The following BICRAL variants were observed in gnomAD, a reference collection of about 807,000 sequenced individuals.
BICRAL encodes BRD4-interacting chromatin-remodeling complex-associated protein-like.
A neutral mutation model predicts 91.8 loss-of-function variants in BICRAL; 8 were observed. That is an observed-to-expected ratio of 0.09 (90% CI 0.05 to 0.16). The LOEUF (loss-of-function observed/expected upper bound fraction) is 0.16. BICRAL is among the 10% of genes least tolerant of loss of function. BICRAL has a pLI of 1.00. For missense variants in BICRAL, 1,038 were observed against 1,310.9 expected (o/e 0.79, Z 3.21); for synonymous variants, 445 against 491.1 (o/e 0.91, Z 1.24).
chr6:42,854,706 A>G (rs1273508771), intron 8 of BICRAL, among the ~76,000 whole-genome samples: 2 of 151,576 alleles, frequency 1.3e-5, no homozygotes, highest in African/African-American at 4.9e-5. Context: ...TTTTTTTAAG[A>G]GAAAACGTTT....
At chr6:42,764,835 A>G (rs1762608684) in intron 1 of BICRAL, among the ~76,000 whole-genome samples, 1 of 151,846 alleles carries the variant, frequency 6.6e-6, no homozygotes, top group Non-Finnish European at 1.5e-5. Flanking sequence ...AAGTTTTTGT[A>G]TTTTTAGTAG....
intron 1 of BICRAL, among the ~76,000 whole-genome samples, chr6:42,802,818 C>G (rs943281389): frequency 2.0e-5 from 3 of 151,992 alleles, no homozygotes; most frequent in Non-Finnish European, 4.4e-5. Context: ...TGCACATAAA[C>G]AGTCCTCCGT....
chr6:42,837,030 C>T (rs560168127), intron 6 of BICRAL, among the ~76,000 whole-genome samples: 5 of 152,020 alleles, frequency 3.3e-5, no homozygotes, highest in East Asian at 1.9e-4. Flanking sequence ...CTGCAAGCTC[C>T]GCCTCCCAGG....
chr6:42,816,721 A>G (rs1764003891), intron 2 of BICRAL, among the ~76,000 whole-genome samples: 1 of 152,202 alleles, frequency 6.6e-6, no homozygotes, highest in Non-Finnish European at 1.5e-5. Context: ...GGACATATAA[A>G]TAAAGAGTAT....
chr6:42,857,600 TAAA>T (rs748078737), intron 10 of BICRAL, among the ~76,000 whole-genome samples: 1 of 101,332 alleles, frequency 9.9e-6, no homozygotes, highest in African/African-American at 5.0e-5. Context: ...CACTGTCTCT[TAAA>T]AAAAAAAAAA....
At chr6:42,862,703 G>T in intron 12 of BICRAL, 91 bp downstream of exon 12, 2 of 797,850 alleles carry the variant, frequency 2.5e-6, no homozygotes, top group East Asian at 5.1e-5. Context: ...CTTTGGGTAA[G>T]AAACTTGAAG....
At position 42,855,858 on chromosome 6, in the gene BICRAL, G is replaced by A. The variant is rs768958674; in HGVS notation, c.2049G>A (p.Val683=). 3.2e-5 allele frequency: 52 copies of A among 1,612,088 alleles called. No homozygotes were observed. Among genetic ancestry groups the A allele is most frequent in the Non-Finnish European group, 4.4e-5 (52 of 1,178,384 alleles). The change falls in exon 9 of 13, where the codon GTG becomes GTA. Residue 683 remains valine, a splice_region_variant and synonymous_variant. Coordinates refer to ENST00000314073, the MANE Select transcript of BICRAL (RefSeq NM_001393499.1). ...TAAGAGGTTTGTTTTGTCTTTAGGT[G>A]GAGAGTCATTCGGGAGGACAAAAAA... is the stretch of plus-strand genomic sequence containing the variant. The part of the protein sequence containing the change: ...GSSPGHPAVQ[V]ESHSGGQKRP...
intron 1 of BICRAL, among the ~76,000 whole-genome samples, chr6:42,792,605 G>A (rs1390238818): frequency 6.6e-6 from 1 of 151,856 alleles, no homozygotes; most frequent in Non-Finnish European, 1.5e-5. Flanking sequence ...CTTTTTAGAA[G>A]TGCAAATAAG....
Position 42,866,026 on chromosome 6 carries a change from G to A in BICRAL, c.*580G>A, listed in dbSNP as rs1765701989. The stretch of plus-strand genomic sequence containing the variant: ...ATCTTTGAGCAGTAAATTGCTGGCT[G>A]TGCTGCCAGGGACCCGCAGCCCTGG... On this transcript the variant is annotated 3_prime_UTR_variant, in exon 13 of 13. Coordinates refer to ENST00000314073, the MANE Select transcript of BICRAL (RefSeq NM_001393499.1). 1 of 152,384 alleles carries A rather than the reference G, an allele frequency of 6.6e-6. No homozygotes were observed. The highest frequency in any genetic ancestry group is 1.5e-5 in the Non-Finnish European group (1 of 68,280). 9.4% of individuals were successfully genotyped at this position (152,384 alleles called of 1,614,324 possible). A position where few individuals can be genotyped will look rare whatever the true frequency, so the allele number is the denominator to read the frequency against.
At chr6:42,818,773 C>T (rs2113933777) in intron 2 of BICRAL, among the ~76,000 whole-genome samples, 1 of 152,236 alleles carries the variant, frequency 6.6e-6, no homozygotes, top group African/African-American at 2.4e-5. Flanking sequence ...TGTGAATCTA[C>T]CTTATTTTCC....
intron 7 of BICRAL, 43 bp downstream of exon 7, chr6:42,852,240 G>A (rs778406768): frequency 6.2e-6 from 7 of 1,120,708 alleles, no homozygotes; most frequent in South Asian, 4.9e-5. Flanking sequence ...CCAACACCAC[G>A]GGATGCTCTT....
At chr6:42,814,437 ATGTATG>A (rs1396972937) in intron 2 of BICRAL, among the ~76,000 whole-genome samples, 1 of 142,194 alleles carries the variant, frequency 7.0e-6, no homozygotes, top group Non-Finnish European at 1.5e-5. Context: ...ATACACATAC[ATGTATG>A]TATATGTATA....
chr6:42,781,253 G>C (rs928757447), upstream of BICRAL, among the ~76,000 whole-genome samples: 3 of 152,140 alleles, frequency 2.0e-5, no homozygotes, highest in African/African-American at 4.8e-5. Flanking sequence ...AGTAGAAAAT[G>C]AATGTTTTGA....
At chr6:42,795,620 G>A (rs985098945) in intron 1 of BICRAL, among the ~76,000 whole-genome samples, 2 of 152,144 alleles carry the variant, frequency 1.3e-5, no homozygotes, top group East Asian at 1.9e-4. Context: ...TAGGACATAA[G>A]AGGCTGTGAA....
chr6:42,855,747 A>G, intron 8 of BICRAL, 109 bp from the exon 9 acceptor site: 1 of 836,996 alleles, frequency 1.2e-6, no homozygotes, highest in Non-Finnish European at 2.0e-6. Context: ...TAGTCTTAGA[A>G]TATGTTCTTG....
intron 1 of BICRAL, among the ~76,000 whole-genome samples, chr6:42,787,181 C>T (rs1763125649): frequency 6.6e-6 from 1 of 152,120 alleles, no homozygotes; most frequent in Non-Finnish European, 1.5e-5. Context: ...AATGGGTTGG[C>T]TGTGGAGGGA....
At chr6:42,789,494 T>C (rs1007746967) in intron 1 of BICRAL, among the ~76,000 whole-genome samples, 9 of 151,422 alleles carry the variant, frequency 5.9e-5, no homozygotes, top group African/African-American at 2.2e-4. Flanking sequence ...ACAAAGAAAA[T>C]AGCCAGGCAT....
intron 5 of BICRAL, among the ~76,000 whole-genome samples, chr6:42,826,611 T>C (rs1156850569): frequency 6.6e-6 from 1 of 152,096 alleles, no homozygotes; most frequent in African/African-American, 2.4e-5. Context: ...CTGGAGACTA[T>C]ATCGAGATTA....
chr6:42,846,061 C>CAAAAA (rs386406871), intron 6 of BICRAL, among the ~76,000 whole-genome samples: 1 of 80,726 alleles, frequency 1.2e-5, no homozygotes, highest in Non-Finnish European at 2.4e-5. Flanking sequence ...GACTCCATCT[C>CAAAAA]AAAAAAAAAA....
Sources: allele counts gnomAD v4.1 joint callset (sites outside exome capture counted in the v4.1 genomes callset), GRCh38; gene constraint gnomAD v4.1.1; transcripts MANE v1.5; gene names NCBI Gene and HGNC (gene_info 2026-07-23, HGNC 2026-07-21).